The following COX16 variants were observed in gnomAD, a reference collection of about 807,000 sequenced individuals.
COX16 encodes the protein cytochrome c oxidase assembly factor COX16, also known as cytochrome c oxidase assembly protein COX16 homolog, mitochondrial.
A neutral mutation model predicts 15.4 loss-of-function variants in COX16; 12 were observed. The ratio of observed to expected loss-of-function variants is 0.78; its 90% CI spans 0.50 to 1.26. The LOEUF (loss-of-function observed/expected upper bound fraction) is 1.26. Ranked by LOEUF, COX16 falls within the 50% of genes most tolerant of loss-of-function variation. COX16 has a pLI of 0.00. For synonymous variants in COX16, 46 were observed against 41.1 expected, an observed-to-expected ratio of 1.12 and a Z score of -0.46; for missense variants, 124 against 127.6, an observed-to-expected ratio of 0.97 and a Z score of 0.14.
intron 1 of COX16, among the ~76,000 whole-genome samples, chr14:70,353,457 TATAA>T (rs1887029153): frequency 6.8e-6 from 1 of 147,784 alleles, no homozygotes; most frequent in South Asian, 2.2e-4. Flanking sequence ...TACACACATA[TATAA>T]ATATATATAT....
chr14:70,328,052 A>T (rs1886140133), intron 3 of COX16: 1 of 147,408 alleles, frequency 6.8e-6, no homozygotes, highest in Non-Finnish European at 1.5e-5. Context: ...TCAGGAGTAA[A>T]AATTATGCCT....
At chr14:70,334,482 A>G (rs957738481) in intron 2 of COX16, among the ~76,000 whole-genome samples, 3 of 152,200 alleles carry the variant, frequency 2.0e-5, no homozygotes, top group Non-Finnish European at 4.4e-5. Context: ...GCACCACTGC[A>G]CTCCAGCCTA....
intron 1 of COX16, among the ~76,000 whole-genome samples, chr14:70,346,374 A>G (rs1886781482): frequency 6.6e-6 from 1 of 152,236 alleles, no homozygotes; most frequent in Non-Finnish European, 1.5e-5. Flanking sequence ...GAAGCCTCCT[A>G]GCAACCTACC....
chr14:70,329,997 G>T (rs1235646768), intron 2 of COX16, among the ~76,000 whole-genome samples: 3 of 152,048 alleles, frequency 2.0e-5, no homozygotes, highest in Non-Finnish European at 2.9e-5. Flanking sequence ...ATAGCTAGAA[G>T]TTCCAGAATT....
intron 2 of COX16, among the ~76,000 whole-genome samples, chr14:70,339,900 T>TTG (rs1395289799): frequency 1.3e-5 from 2 of 151,600 alleles, no homozygotes; most frequent in Non-Finnish European, 2.9e-5. Flanking sequence ...TCCTCCTTCT[T>TTG]TTAACCTCAT....
At chr14:70,352,635 C>CTTTTTTT (rs869290362) in intron 1 of COX16, among the ~76,000 whole-genome samples, 3 of 118,818 alleles carry the variant, frequency 2.5e-5, no homozygotes, top group Non-Finnish European at 3.4e-5. Context: ...AAATATATTT[C>CTTTTTTT]TTTTTTTTTC....
chr14:70,331,315 A>T (rs947439148), intron 2 of COX16, among the ~76,000 whole-genome samples: 4 of 152,108 alleles, frequency 2.6e-5, no homozygotes, highest in Non-Finnish European at 5.9e-5. Context: ...CAAGTGTATT[A>T]AACTTAAGAA....
At chr14:70,331,265 C>CA (rs1352750358) in intron 2 of COX16, among the ~76,000 whole-genome samples, 1 of 152,160 alleles carries the variant, frequency 6.6e-6, no homozygotes, top group Non-Finnish European at 1.5e-5. Context: ...CTCGGCCTCG[C>CA]AAAGTGCTGG....
At chr14:70,359,109 G>A (rs573774377) in intron 1 of COX16, 27 of 446,718 alleles carry the variant, frequency 6.0e-5, no homozygotes, top group African/African-American at 5.2e-4. Context: ...ATGATCCACA[G>A]TATCGTCAAA....
intron 2 of COX16, among the ~76,000 whole-genome samples, chr14:70,330,927 T>A (rs1886266086): frequency 6.6e-6 from 1 of 152,186 alleles, no homozygotes; most frequent in African/African-American, 2.4e-5. Context: ...TTATAGTAAT[T>A]CACATAGAAA....
chr14:70,355,647 A>G (rs143820249), intron 1 of COX16, among the ~76,000 whole-genome samples: 191 of 152,362 alleles, frequency 1.3e-3, no homozygotes, highest in African/African-American at 4.4e-3. Flanking sequence ...CTAAACTAGA[A>G]GACTTAAATA....
intron 1 of COX16, among the ~76,000 whole-genome samples, chr14:70,354,129 C>G (rs1887052654): frequency 6.6e-6 from 1 of 151,952 alleles, no homozygotes; most frequent in Non-Finnish European, 1.5e-5. Context: ...CTGGGCAACA[C>G]AGCAAGACCT....
intron 3 of COX16, among the ~76,000 whole-genome samples, chr14:70,328,480 A>G (rs974935057): frequency 2.0e-5 from 3 of 152,208 alleles, no homozygotes; most frequent in East Asian, 1.9e-4. Flanking sequence ...CATGAAGAAC[A>G]TCCTCACCAC....
intron 3 of COX16, 148 bp from the exon 4 acceptor site, chr14:70,326,597 T>A (rs536520299): frequency 1.1e-4 from 57 of 504,216 alleles, no homozygotes; most frequent in Middle Eastern, 5.7e-4. Context: ...ACTACAATCA[T>A]TGATGAAATG....
chr14:70,357,158 C>CAAAAAAAAAAA (rs4048531), intron 1 of COX16, among the ~76,000 whole-genome samples: 19 of 78,704 alleles, frequency 2.4e-4, no homozygotes, highest in Non-Finnish European at 3.1e-4. Flanking sequence ...AAGCGTTTGT[C>CAAAAAAAAAAA]AAAAAAAAAA....
intron 1 of COX16, among the ~76,000 whole-genome samples, chr14:70,347,980 AGAC>A (rs1369873912): frequency 6.6e-6 from 1 of 152,080 alleles, no homozygotes; most frequent in Non-Finnish European, 1.5e-5. Flanking sequence ...CTACTCCAGA[AGAC>A]TCTCATCTCA....
At chr14:70,341,990 C>T (rs193004889) in intron 2 of COX16, among the ~76,000 whole-genome samples, 3 of 152,200 alleles carry the variant, frequency 2.0e-5, no homozygotes, top group Admixed American at 6.5e-5. Flanking sequence ...TATCAATATA[C>T]TTTATACAAT....
chr14:70,333,803 C>A (rs974002249), intron 2 of COX16, among the ~76,000 whole-genome samples: 1 of 152,056 alleles, frequency 6.6e-6, no homozygotes, highest in Admixed American at 6.6e-5. Flanking sequence ...CTCTCAAACA[C>A]CAAAGTCAAA....
chr14:70,348,396 C>T (rs1007005426), intron 1 of COX16, among the ~76,000 whole-genome samples: 8 of 152,184 alleles, frequency 5.3e-5, no homozygotes, highest in Admixed American at 5.2e-4. Context: ...TTTCCTGAAG[C>T]TACAACCGCC....
Sources: gnomAD v4.1 joint callset for allele counts (sites outside exome capture counted in the v4.1 genomes callset) on GRCh38, gnomAD v4.1.1 for gene constraint, MANE v1.5 for transcripts, NCBI Gene and HGNC (gene_info 2026-07-23, HGNC 2026-07-21) for gene names.